The following RSPO2 variants were observed in gnomAD, a reference collection of about 807,000 sequenced individuals.
RSPO2 encodes the protein R-spondin-2.
RSPO2 carries 14 observed loss-of-function variants against 30.9 expected under a neutral mutation model. That is an observed-to-expected ratio of 0.45 (90% CI 0.30 to 0.71). The LOEUF (loss-of-function observed/expected upper bound fraction) is 0.71, where lower values mean the gene tolerates loss of function less well. Among genes scored for constraint, RSPO2 ranks in the 30% least tolerant of loss-of-function variants. The pLI, the probability that RSPO2 is intolerant of heterozygous loss-of-function variation, is 0.08. For synonymous variants in RSPO2, 107 were observed against 96.4 expected, an observed-to-expected ratio of 1.11 and a Z score of -0.64; for missense variants, 264 against 301.9, an observed-to-expected ratio of 0.87 and a Z score of 0.93.
intron 5 of RSPO2, among the ~76,000 whole-genome samples, chr8:107,918,933 C>G (rs1352328507): frequency 6.6e-6 from 1 of 152,000 alleles, no homozygotes; most frequent in Non-Finnish European, 1.5e-5. Flanking sequence ...GGAGTAAATC[C>G]TAAATTCTTT....
In RSPO2 at chr8:107,964,278, T is replaced by C. The variant is rs146640065; in HGVS notation, c.284-3461A>G. 4.4e-3 allele frequency among the ~76,000 whole-genome samples: 672 copies of C among 152,316 alleles called. 4 individuals are homozygous for C. The highest frequency in any genetic ancestry group is 0.015 in the African/African-American group (644 of 41,584). The stretch of plus-strand genomic sequence containing the variant: ...TCATTTAGAGACAGAATTTCGCTCT[T>C]GTTGCCCAGGCAGGAGTGCAATGGC... On this transcript the variant is annotated intron_variant, in intron 3 of 5. Coordinates refer to ENST00000276659, the MANE Select transcript of RSPO2 (RefSeq NM_178565.5).
At position 107,899,393 on chromosome 8, in the gene RSPO2, T is replaced by TA. The variant is rs1372732124; in HGVS notation, c.*1681dup. ...TTGACTTATTAACGATGAAGCACTA[T>TA]ATAAGGAGACCCCCTCCCCACTTAG... On this transcript the variant is annotated 3_prime_UTR_variant, in exon 6 of 6. Coordinates refer to ENST00000276659, the MANE Select transcript of RSPO2 (RefSeq NM_178565.5). 1.3e-5 allele frequency: 2 copies of TA among 152,678 alleles called. No individual in the cohort carries two copies. Among genetic ancestry groups the TA allele is most frequent in the South Asian group, 2.1e-4 (1 of 4,824 alleles). 9.5% of individuals were successfully genotyped at this position (152,678 alleles called of 1,614,324 possible). A position where few individuals can be genotyped will look rare whatever the true frequency, so the allele number is the denominator to read the frequency against.
chr8:107,935,997 G>A (rs779118301), intron 5 of RSPO2, among the ~76,000 whole-genome samples: 21 of 151,940 alleles, frequency 1.4e-4, no homozygotes, highest in Non-Finnish European at 2.9e-4. Context: ...AAATATACAC[G>A]TTGTTAACTA....
intron 1 of RSPO2, 161 bp downstream of exon 1, chr8:108,083,036 C>G (rs1813263479): frequency 5.5e-6 from 1 of 180,788 alleles, no homozygotes; most frequent in Non-Finnish European, 1.1e-5. Flanking sequence ...CCCTAAGCTC[C>G]GACCCAGCGG....
At chr8:108,068,175 A>T (rs1055926859) in intron 2 of RSPO2, among the ~76,000 whole-genome samples, 5 of 152,206 alleles carry the variant, frequency 3.3e-5, no homozygotes, top group Non-Finnish European at 5.9e-5. Flanking sequence ...AAAAGTAATA[A>T]AGATGTTGTA....
chr8:108,061,681 G>A (rs7844666), intron 2 of RSPO2, among the ~76,000 whole-genome samples: 2,261 of 151,726 alleles, frequency 0.015, 73 homozygotes, highest in African/African-American at 0.051. Context: ...TGCACCAAGC[G>A]GACCTAACAG....
intron 5 of RSPO2, 90 bp downstream of exon 5, chr8:107,957,990 T>C: frequency 1.1e-6 from 1 of 901,006 alleles, no homozygotes; most frequent in Non-Finnish European, 1.7e-6. Flanking sequence ...CCTTCAAAGA[T>C]AAATACTTAT....
chr8:107,998,807 A>G (rs2514825), intron 2 of RSPO2, among the ~76,000 whole-genome samples: 152,276 of 152,282 alleles, frequency 1, 76,135 homozygotes, highest in Non-Finnish European at 1. Flanking sequence ...AGCACTTTGG[A>G]AGGCTGAGGC....
At chr8:108,076,268 C>T (rs540980479) in intron 2 of RSPO2, among the ~76,000 whole-genome samples, 27 of 152,294 alleles carry the variant, frequency 1.8e-4, no homozygotes, top group Admixed American at 8.5e-4. Context: ...TGGTGGGGAA[C>T]GCTGACTGCT....
intron 2 of RSPO2, among the ~76,000 whole-genome samples, chr8:108,026,044 A>G (rs1218251876): frequency 1.3e-5 from 2 of 152,226 alleles, no homozygotes; most frequent in African/African-American, 4.8e-5. Context: ...AGAAACCTTA[A>G]CATAGTGATC....
Position 107,901,189 on chromosome 8 carries a change from C to T in RSPO2, c.618G>A (p.Gly206=), listed in dbSNP as rs761147615. Residue 206 remains glycine, a splice_region_variant and synonymous_variant, in exon 6 of 6, where the codon GGG becomes GGA. Transcript: ENST00000276659. ...CKMTMRHCPG[G]KRTPKAKEKR... ...TCTCCTTCGCCTTTGGTGTTCTCTT[C>T]CCTGCAATGAAGGAAAGAAAAGAAG... The T allele has an allele frequency of 1.2e-6, 2 of 1,610,856 alleles. No individual in the cohort carries two copies. Among genetic ancestry groups the T allele is most frequent in the Non-Finnish European group, 1.7e-6 (2 of 1,178,964 alleles).
chr8:107,919,829 G>C (rs1236240071), intron 5 of RSPO2, among the ~76,000 whole-genome samples: 5 of 152,024 alleles, frequency 3.3e-5, no homozygotes, highest in Non-Finnish European at 4.4e-5. Context: ...CCTCTGAAAA[G>C]AAAAAGTTAC....
At chr8:108,056,957 T>G (rs1812267370) in intron 2 of RSPO2, among the ~76,000 whole-genome samples, 1 of 146,458 alleles carries the variant, frequency 6.8e-6, no homozygotes, top group African/African-American at 2.5e-5. Context: ...CTCAGGAGGC[T>G]GAGGCAGGAG....
chr8:107,992,074 C>T (rs776112334), intron 2 of RSPO2, among the ~76,000 whole-genome samples: 4 of 151,908 alleles, frequency 2.6e-5, no homozygotes, highest in Admixed American at 6.6e-5. Context: ...ATTATAAAGA[C>T]ACATACACAC....
In RSPO2 at chr8:108,083,584, G is replaced by A. The variant is rs1442817167; in HGVS notation, c.-557C>T. On this transcript the variant is annotated 5_prime_UTR_variant, in exon 1 of 6. Transcript: ENST00000276659. ...TCGGGAGGACGAAGTGATCCGAAGGGATGTGGCAAGCGCACTTTCCGATGG... is the reference window on the plus strand; with the variant it reads ...TCGGGAGGACGAAGTGATCCGAAGGAATGTGGCAAGCGCACTTTCCGATGG... 1 of 152,356 alleles carries A rather than the reference G, an allele frequency of 6.6e-6. No homozygotes were observed. The highest frequency in any genetic ancestry group is 6.5e-5 in the Admixed American group (1 of 15,292). 9.4% of individuals were successfully genotyped at this position (152,356 alleles called of 1,614,324 possible). A position where few individuals can be genotyped will look rare whatever the true frequency, so the allele number is the denominator to read the frequency against.
At chr8:108,076,736 T>A (rs1202699979) in intron 2 of RSPO2, among the ~76,000 whole-genome samples, 5 of 151,518 alleles carry the variant, frequency 3.3e-5, no homozygotes, top group African/African-American at 1.2e-4. Flanking sequence ...GAGATCTGAG[T>A]GTAGGATAAT....
intron 2 of RSPO2, among the ~76,000 whole-genome samples, chr8:108,016,966 C>A (rs1810908000): frequency 6.6e-6 from 1 of 151,382 alleles, no homozygotes; most frequent in Non-Finnish European, 1.5e-5. Flanking sequence ...AATTAAACCT[C>A]CTTTAAAAAA....
rs1303112979 is a variant in RSPO2, at chr8:107,989,097, C to T, written c.242G>A (p.Gly81Glu). Reference sequence around the variant, plus strand: ...ATCTGGGGCTCGGTGTCCATAGTACCCGGATGGGCAGGAATGCAGGCACTC... The same window carrying T: ...ATCTGGGGCTCGGTGTCCATAGTACTCGGATGGGCAGGAATGCAGGCACTC... ...YGECLHSCPSGYYGHRAPDMN... is the reference protein window; with the variant it reads ...YGECLHSCPSEYYGHRAPDMN... Residue 81 changes from glycine (G) to glutamate (E), a missense_variant, in exon 3 of 6, where the codon GGG becomes GAG. Gly to Glu is a moderately conservative substitution (Grantham distance 98, BLOSUM62 -2). Transcript: ENST00000276659. 6.2e-7 allele frequency: 1 copy of T among 1,609,858 alleles called. No individual in the cohort carries two copies. The highest frequency in any genetic ancestry group is 1.7e-5 in the Admixed American group (1 of 59,114).
chr8:107,981,869 T>A (rs1024953011), intron 3 of RSPO2, among the ~76,000 whole-genome samples: 1 of 151,710 alleles, frequency 6.6e-6, no homozygotes, highest in African/African-American at 2.4e-5. Flanking sequence ...TCTCTAATAA[T>A]ACATTTTTTA....
Sources: allele counts gnomAD v4.1 joint callset (sites outside exome capture counted in the v4.1 genomes callset), GRCh38; gene constraint gnomAD v4.1.1; transcripts MANE v1.5; gene names NCBI Gene and HGNC (gene_info 2026-07-23, HGNC 2026-07-21).